BOD1L1: variants seen among roughly 807,000 people sequenced by gnomAD.
BOD1L1 encodes biorientation of chromosomes in cell division 1 like 1, also known as biorientation of chromosomes in cell division protein 1-like 1.
In BOD1L1, 86 loss-of-function variants were observed where a neutral mutation model predicts 240.7. That is an observed-to-expected ratio of 0.36 (90% CI 0.30 to 0.43). The LOEUF (loss-of-function observed/expected upper bound fraction) is 0.43. Ranked by LOEUF, BOD1L1 falls within the 20% of genes least tolerant of loss-of-function variation. The pLI, the probability that BOD1L1 is intolerant of heterozygous loss-of-function variation, is 1.00. For synonymous variants in BOD1L1, 1,268 were observed against 1,272.3 expected (o/e 1.00, Z 0.07); for missense variants, 3,554 against 3,643.5 (o/e 0.98, Z 0.63).
chr4:13,619,849 T>G, intron 2 of BOD1L1, 94 bp downstream of exon 2: 1 of 1,419,704 alleles, frequency 7.0e-7, no homozygotes, highest in East Asian at 2.4e-5. Flanking sequence ...GTCAACATCA[T>G]TAGGTGAACA....
intron 25 of BOD1L1, among the ~76,000 whole-genome samples, chr4:13,574,043 A>ATT (rs1482225926): frequency 6.6e-6 from 1 of 152,192 alleles, no homozygotes; most frequent in Non-Finnish European, 1.5e-5. Flanking sequence ...GAAGGGGCTC[A>ATT]ATAAGCAAGC....
chr4:13,601,156 A>G lies in BOD1L1; in HGVS notation c.5744T>C (p.Val1915Ala). ...GATGGCAGCTCCAGCCTCAGCTTCC[A>G]CATGCTCTACCACAGTACCAATCTG... ...DSQIGTVVEHVEAEAGAAIMN... is the reference protein window; with the variant it reads ...DSQIGTVVEHAEAEAGAAIMN... The change falls in exon 10 of 26, where the codon GTG becomes GCG. Residue 1915 changes from valine (V) to alanine (A), a missense_variant. Val to Ala is a moderately conservative substitution (Grantham distance 64, BLOSUM62 0). Coordinates refer to ENST00000040738, the MANE Select transcript of BOD1L1 (RefSeq NM_148894.3). The G allele has an allele frequency of 6.2e-7, 1 of 1,613,972 alleles. No homozygotes were observed. The highest frequency in any genetic ancestry group is 8.5e-7 in the Non-Finnish European group (1 of 1,179,886).
chr4:13,599,478 C>T lies in BOD1L1; in HGVS notation c.7422G>A (p.Lys2474=), dbSNP rs1449044816. 8 of 1,613,874 alleles carry T rather than the reference C, an allele frequency of 5.0e-6. No individual in the cohort carries two copies. In the African/African-American group the frequency reaches 1.1e-4, roughly 22 times the overall value. ...VLLNSLQKED[K]SPETGTAGGS... is the part of the protein sequence containing the mutation. ...CCCCTGCTGTCCCTGTCTCTGGGCT[C>T]TTATCTTCTTTCTGAAGGGAGTTCA... is the stretch of plus-strand genomic sequence containing the variant. The change falls in exon 10 of 26, where the codon AAG becomes AAA. Residue 2474 remains lysine, a synonymous_variant. Transcript: ENST00000040738.
chr4:13,614,344 A>G lies in BOD1L1; in HGVS notation c.1026T>C (p.Thr342=). 1 of 1,550,088 alleles carries G rather than the reference A, an allele frequency of 6.5e-7. No individual in the cohort carries two copies. The highest frequency in any genetic ancestry group is 8.7e-7 in the Non-Finnish European group (1 of 1,146,628). The change falls in exon 4 of 26, where the codon ACT becomes ACC. Residue 342 remains threonine (T), a synonymous_variant. Transcript: ENST00000040738. ...TTTTTGAGTGATCAAATTTCTTTTC[A>G]GTCTTTTCCTTCTTTTCTTTCTTTC... ...GERKKEKKEK[T]EKKFDHSKKS...
At chr4:13,609,680 G>A (rs1716005927) in intron 6 of BOD1L1, among the ~76,000 whole-genome samples, 1 of 152,132 alleles carries the variant, frequency 6.6e-6, no homozygotes, top group African/African-American at 2.4e-5. Flanking sequence ...TAAAGAAAGG[G>A]AAAGGTATAA....
At chr4:13,587,603 T>C in intron 16 of BOD1L1, 96 bp downstream of exon 16, 2 of 897,552 alleles carry the variant, frequency 2.2e-6, no homozygotes, top group Non-Finnish European at 3.5e-6. Flanking sequence ...AGAGAGTTAC[T>C]ATCCTCAAAA....
intron 6 of BOD1L1, 71 bp from the exon 7 acceptor site, chr4:13,609,477 T>A (rs938031207): frequency 1.6e-5 from 17 of 1,074,582 alleles, no homozygotes; most frequent in African/African-American, 9.9e-5. Flanking sequence ...GTATTTTTTT[T>A]AAAGTTTTAG....
chr4:13,575,164 C>T lies in BOD1L1; in HGVS notation c.9038+1674G>A, dbSNP rs982641666. 2.6e-4 allele frequency among the ~76,000 whole-genome samples: 40 copies of T among 152,096 alleles called. 1 individual carries two copies. The highest frequency in any genetic ancestry group is 6.5e-4 in the Admixed American group (10 of 15,280). On this transcript the variant is annotated intron_variant, in intron 25 of 25. Coordinates refer to ENST00000040738, the MANE Select transcript of BOD1L1 (RefSeq NM_148894.3). ...TCGAACTCCTGACCTCGTGATCCGC[C>T]GGCCTCAGCCTCCCAAAGTGCTGGG...
chr4:13,609,991 G>C (rs1426834952), intron 6 of BOD1L1, among the ~76,000 whole-genome samples: 5 of 152,116 alleles, frequency 3.3e-5, no homozygotes, highest in African/African-American at 7.2e-5. Flanking sequence ...ATCCTAAGCA[G>C]GTGCATAACT....
At chr4:13,579,087 G>A (rs1008498858) in intron 22 of BOD1L1, among the ~76,000 whole-genome samples, 1 of 151,872 alleles carries the variant, frequency 6.6e-6, no homozygotes, top group African/African-American at 2.4e-5. Flanking sequence ...GTCCTTTTTT[G>A]CAAGTTTAAA....
Position 13,570,107 on chromosome 4 carries a change from A to AG in BOD1L1, c.9059dup (p.Ser3021PhefsTer70). 6.3e-7 allele frequency: 1 copy of AG among 1,599,862 alleles called. No homozygotes were observed. Among genetic ancestry groups the AG allele is most frequent in the Non-Finnish European group, 8.5e-7 (1 of 1,174,430 alleles). Reference sequence around the variant, plus strand: ...TGACTTCTCTCTTGCGCTTGATAGAAGGGGAGAGCTGTGTCTTTGATCTGC... The same window carrying AG: ...TGACTTCTCTCTTGCGCTTGATAGAAGGGGGAGAGCTGTGTCTTTGATCTGC... On this transcript the variant is annotated frameshift_variant, in exon 26 of 26. Coordinates refer to ENST00000040738, the MANE Select transcript of BOD1L1 (RefSeq NM_148894.3). LOFTEE classifies it high-confidence loss of function.
In BOD1L1 at chr4:13,601,160, G is replaced by A. The variant is rs760267406; in HGVS notation, c.5740C>T (p.His1914Tyr). 3 of 1,613,924 alleles carry A rather than the reference G, an allele frequency of 1.9e-6. No homozygotes were observed. In the Admixed American group the frequency reaches 5.0e-5, roughly 27 times the overall value. Residue 1914 changes from histidine (H) to tyrosine (Y), a missense_variant, in exon 10 of 26, where the codon CAT (histidine) becomes TAT (tyrosine). This residue lies in a region of BOD1L1 where 3,393 missense variants were observed against 3,427.1 expected (regional missense o/e 0.99). Coordinates refer to ENST00000040738, the MANE Select transcript of BOD1L1 (RefSeq NM_148894.3). ...GDSQIGTVVE[H>Y]VEAEAGAAIM... is the part of the protein sequence containing the mutation. ...GCAGCTCCAGCCTCAGCTTCCACAT[G>A]CTCTACCACAGTACCAATCTGACTG...
rs747991418 is a variant in BOD1L1, at chr4:13,577,622, T to C, written c.8759A>G (p.Asn2920Ser). 4 of 1,556,108 alleles carry C rather than the reference T, an allele frequency of 2.6e-6. No homozygotes were observed. The highest frequency in any genetic ancestry group is 2.3e-5 in the East Asian group (1 of 43,374). ...TTCTTGTAGGTTAGCTGTTTCTTTA[T>C]TGGATTCATCTTTAAGAAAAGGGAA... ...KLKVMQTDES[N>S]KETANLQERS... The change falls in exon 23 of 26, where the codon AAT (asparagine) becomes AGT (serine). Residue 2920 changes from asparagine (N) to serine (S), a missense_variant. Physicochemically the swap from Asn to Ser is conservative, Grantham distance 46. This residue lies in a region of BOD1L1 where 3,393 missense variants were observed against 3,427.1 expected (regional missense o/e 0.99). Transcript: ENST00000040738.
At chr4:13,593,592 A>G (rs1320030765) in intron 12 of BOD1L1, 1 of 152,138 alleles carries the variant, frequency 6.6e-6, no homozygotes, top group African/African-American at 2.4e-5. Context: ...TGATTGAGCC[A>G]ACACAAGTCT....
At position 13,609,336 on chromosome 4, in the gene BOD1L1, T is replaced by A; in HGVS notation, c.1562A>T (p.Gln521Leu). ...NREKLEEKRK[Q>L]KAEKTKSSKT... Reference sequence around the variant, plus strand: ...TGAAGACTTTGTCTTTTCTGCTTTCTGTTTTCGTTTTTCTTCAAGTTTTTC... The same window carrying A: ...TGAAGACTTTGTCTTTTCTGCTTTCAGTTTTCGTTTTTCTTCAAGTTTTTC... The change falls in exon 7 of 26, where the codon CAG becomes CTG. Residue 521 changes from glutamine to leucine, a missense_variant. Around this residue, in one of 2 missense-constraint regions of BOD1L1, gnomAD observed 3,393 missense variants for 3,427.1 expected, o/e 0.99. Coordinates refer to ENST00000040738, the MANE Select transcript of BOD1L1 (RefSeq NM_148894.3). 6.4e-7 allele frequency: 1 copy of A among 1,559,424 alleles called. No individual in the cohort carries two copies. Among genetic ancestry groups the A allele is most frequent in the Non-Finnish European group, 8.7e-7 (1 of 1,155,412 alleles).
In BOD1L1 at chr4:13,600,875, C is replaced by T. The variant is rs541321396; in HGVS notation, c.6025G>A (p.Asp2009Asn). ...GGGACTTCACCAGATACAAGAACAT[C>T]GTAACTACCCCCGACCAGGCCAGTG... Reference protein sequence around the residue: ...ISTGLVGGSYDVLVSGEVPEC... With the variant: ...ISTGLVGGSYNVLVSGEVPEC... Residue 2009 changes from aspartate (D) to asparagine (N), a missense_variant, in exon 10 of 26, where the codon GAT becomes AAT. Asp to Asn is a conservative substitution (Grantham distance 23). Coordinates refer to ENST00000040738, the MANE Select transcript of BOD1L1 (RefSeq NM_148894.3). 182 of 1,613,804 alleles carry T rather than the reference C, an allele frequency of 1.1e-4. 1 individual carries two copies. Among genetic ancestry groups the T allele is most frequent in the Middle Eastern group, 8.2e-4 (5 of 6,062 alleles).
In BOD1L1 at chr4:13,602,727, C is replaced by T. The variant is rs1055538703; in HGVS notation, c.4173G>A (p.Thr1391=). The change falls in exon 10 of 26, where the codon ACG becomes ACA. Residue 1391 remains threonine, a synonymous_variant. Coordinates refer to ENST00000040738, the MANE Select transcript of BOD1L1 (RefSeq NM_148894.3). ...TATTCTCATTTTCCACAATCACGCCCGTTAACTTACTTCCAAGAGGCATGA... is the reference window on the plus strand; with the variant it reads ...TATTCTCATTTTCCACAATCACGCCTGTTAACTTACTTCCAAGAGGCATGA... The part of the protein sequence containing the change: ...KVIMPLGSKL[T]GVIVENENIT... 31 of 1,613,896 alleles carry T rather than the reference C, an allele frequency of 1.9e-5. No individual in the cohort carries two copies. Among genetic ancestry groups the T allele is most frequent in the South Asian group, 4.4e-5 (4 of 91,094 alleles).
chr4:13,590,251 T>C (rs2108913604), intron 14 of BOD1L1, 135 bp downstream of exon 14: 4 of 481,478 alleles, frequency 8.3e-6, no homozygotes, highest in Non-Finnish European at 1.5e-5. Context: ...CTGTTAACTA[T>C]CACTTTACTG....
chr4:13,627,367 C>G lies in BOD1L1; in HGVS notation c.221G>C (p.Cys74Ser), dbSNP rs1717476967. ...AACCTTGGTGTCCACGTCGGCCAGG[C>G]AGTCTCTGCGGAACTGGTCGAAGAG... is the stretch of plus-strand genomic sequence containing the variant. ...QGLFDQFRRD[C>S]LADVDTKPAY... Residue 74 changes from cysteine to serine, a missense_variant, in exon 1 of 26, where the codon TGC becomes TCC. Cys to Ser is a moderately radical substitution (Grantham distance 112, BLOSUM62 -1). Coordinates refer to ENST00000040738, the MANE Select transcript of BOD1L1 (RefSeq NM_148894.3). 1 of 1,344,270 alleles carries G rather than the reference C, an allele frequency of 7.4e-7. No individual in the cohort carries two copies. The highest frequency in any genetic ancestry group is 1.5e-5 in the African/African-American group (1 of 66,696). 83.3% of individuals were successfully genotyped at this position (1,344,270 alleles called of 1,614,324 possible).
Sources: gnomAD v4.1 joint callset for allele counts (sites outside exome capture counted in the v4.1 genomes callset) on GRCh38, gnomAD v4.1.1 for gene constraint, gnomAD v4.1.1 regional missense constraint, MANE v1.5 for transcripts, NCBI Gene and HGNC (gene_info 2026-07-23, HGNC 2026-07-21) for gene names.